NRG1: variants seen among roughly 807,000 people sequenced by gnomAD.
NRG1 encodes the protein neuregulin 1, also known as pro-neuregulin-1, membrane-bound isoform.
In NRG1, 18 loss-of-function variants were observed where a neutral mutation model predicts 63.8. That is an observed-to-expected ratio of 0.28 (90% CI 0.19 to 0.42). NRG1 has a LOEUF of 0.42. Among genes scored for constraint, NRG1 ranks in the 10% least tolerant of loss-of-function variants. The pLI, the probability that NRG1 is intolerant of heterozygous loss-of-function variation, is 1.00. For synonymous variants in NRG1, 302 were observed against 301.3 expected (o/e 1.00, Z -0.02); for missense variants, 762 against 814.7 (o/e 0.94, Z 0.79).
intron 1 of NRG1, among the ~76,000 whole-genome samples, chr8:31,856,454 T>A (rs1171393743): frequency 6.6e-6 from 1 of 152,256 alleles, no homozygotes; most frequent in Admixed American, 6.5e-5. Context: ...GCCTTGGTTT[T>A]TAGCTCCATC....
intron 1 of NRG1, among the ~76,000 whole-genome samples, chr8:32,371,394 G>A (rs1009428623): frequency 6.6e-6 from 1 of 152,158 alleles, no homozygotes; most frequent in Non-Finnish European, 1.5e-5. Context: ...ACATGATATG[G>A]ATTTCTTACC....
In NRG1 at chr8:32,111,401, G is replaced by A. The variant is rs183561082; in HGVS notation, c.37+471970G>A. Among the ~76,000 whole-genome samples, 387 of 152,260 alleles carry A rather than the reference G, an allele frequency of 2.5e-3. 1 individual carries two copies. The highest frequency in any genetic ancestry group is 4.1e-3 in the Non-Finnish European group (282 of 68,014). On this transcript the variant is annotated intron_variant, in intron 1 of 10. Transcript: ENST00000519301. ...CAAAGTGCTGGGATTACAGGCATGA[G>A]CCACTGCTCCCGGACTTGCTGTAAG...
rs146138340 is a variant in NRG1 at position 32,290,515 on chromosome 8, G to A, written c.38-305313G>A. 7.6e-3 allele frequency among the ~76,000 whole-genome samples: 1,151 copies of A among 152,088 alleles called. 6 individuals carry two copies. Among genetic ancestry groups the A allele is most frequent in the Middle Eastern group, 0.017 (5 of 294 alleles). ...GCTGGGCTAGCTCTCTCAGCTTTCC[G>A]AGATTTTTTTGAGGCTCAGAGGACC... On this transcript the variant is annotated intron_variant, in intron 1 of 10. Coordinates refer to the NRG1 transcript ENST00000519301.
At chr8:32,399,106 A>G (rs767438609) in intron 1 of NRG1, among the ~76,000 whole-genome samples, 8 of 152,208 alleles carry the variant, frequency 5.3e-5, no homozygotes, top group Admixed American at 2.0e-4. Flanking sequence ...AACTGAAAAT[A>G]GTTAACAGAA....
intron 1 of NRG1, among the ~76,000 whole-genome samples, chr8:31,676,282 A>T (rs1033453928): frequency 1.1e-4 from 17 of 152,102 alleles, no homozygotes; most frequent in Admixed American, 1.0e-3. Flanking sequence ...AGGAGACTTT[A>T]TGCCTCCCGA....
chr8:31,852,558 T>C (rs1827358907), intron 1 of NRG1, among the ~76,000 whole-genome samples: 2 of 151,682 alleles, frequency 1.3e-5, no homozygotes, highest in African/African-American at 4.8e-5. Flanking sequence ...ATTTTGTAGG[T>C]TGCCTGTTCA....
intron 1 of NRG1, among the ~76,000 whole-genome samples, chr8:31,729,065 C>T (rs1459219768): frequency 6.6e-6 from 1 of 151,958 alleles, no homozygotes; most frequent in Non-Finnish European, 1.5e-5. Context: ...GTAATAAAAG[C>T]TTATTTTTGT....
intron 1 of NRG1, among the ~76,000 whole-genome samples, chr8:32,287,849 G>A (rs1035189914): frequency 6.6e-6 from 1 of 152,084 alleles, no homozygotes; most frequent in Non-Finnish European, 1.5e-5. Flanking sequence ...CTTGTTTTTG[G>A]AGTGTCTTTT....
rs36087607 is a variant in NRG1, at chr8:32,158,448, G to GATATATAT, written c.38-437363_38-437356dup. 2.5e-3 allele frequency among the ~76,000 whole-genome samples: 157 copies of GATATATAT among 62,180 alleles called. 23 individuals are homozygous for GATATATAT. Among genetic ancestry groups the GATATATAT allele is most frequent in the South Asian group, 5.0e-3 (7 of 1,410 alleles). The allele number at this position is 62,180 out of a possible 152,430, so 40.8% of individuals were successfully genotyped here. A position where few individuals can be genotyped will look rare whatever the true frequency, so the allele number is the denominator to read the frequency against. On this transcript the variant is annotated intron_variant, in intron 1 of 10. Coordinates refer to the NRG1 transcript ENST00000519301. ...TCGTTTCTCTTTGTTTGGTTTACAT[G>GATATATAT]ATATATATATATATATATATATATC... is the stretch of plus-strand genomic sequence containing the variant.
chr8:31,778,433 A>G (rs1819365366), intron 1 of NRG1, among the ~76,000 whole-genome samples: 1 of 152,158 alleles, frequency 6.6e-6, no homozygotes, highest in African/African-American at 2.4e-5. Flanking sequence ...TCTTATCTGC[A>G]TTTATCTTCC....
chr8:32,618,362 ACTATC>A, intron 5 of NRG1, among the ~76,000 whole-genome samples: 1 of 152,324 alleles, frequency 6.6e-6, no homozygotes, highest in East Asian at 1.9e-4. Context: ...GACCATAGAT[ACTATC>A]CTTAAGCATA....
At chr8:32,541,507 GAA>G (rs35243395) in intron 1 of NRG1, among the ~76,000 whole-genome samples, 1 of 144,090 alleles carries the variant, frequency 6.9e-6, no homozygotes, top group Non-Finnish European at 1.5e-5. Context: ...GAACATACAG[GAA>G]AAAAAAAAAA....
intron 1 of NRG1, among the ~76,000 whole-genome samples, chr8:32,572,434 A>T (rs1413133911): frequency 6.6e-6 from 1 of 152,154 alleles, no homozygotes; most frequent in African/African-American, 2.4e-5. Flanking sequence ...TACACATTTG[A>T]TTTATTAAGC....
chr8:31,976,149 C>A (rs1410532340), intron 1 of NRG1, among the ~76,000 whole-genome samples: 1 of 152,110 alleles, frequency 6.6e-6, no homozygotes, highest in Non-Finnish European at 1.5e-5. Flanking sequence ...TTGAGGATAT[C>A]AACATTAGCT....
intron 5 of NRG1, among the ~76,000 whole-genome samples, chr8:32,675,408 C>A (rs1263264653): frequency 6.6e-6 from 1 of 152,160 alleles, no homozygotes; most frequent in Admixed American, 6.5e-5. Context: ...TGTTCTTTGG[C>A]TTAGTTCAAG....
chr8:31,901,670 A>G (rs1429559175), intron 1 of NRG1, among the ~76,000 whole-genome samples: 1 of 152,190 alleles, frequency 6.6e-6, no homozygotes, highest in Non-Finnish European at 1.5e-5. Context: ...AGAAAAATGA[A>G]TTGGCTGGTG....
chr8:31,802,617 A>G (rs556456483), intron 1 of NRG1, among the ~76,000 whole-genome samples: 1 of 152,278 alleles, frequency 6.6e-6, no homozygotes, highest in Non-Finnish European at 1.5e-5. Context: ...AAAACAGTAC[A>G]CCTGTAAAAC....
At chr8:31,934,292 G>A (rs1237037696) in intron 1 of NRG1, among the ~76,000 whole-genome samples, 1 of 151,620 alleles carries the variant, frequency 6.6e-6, no homozygotes, top group Middle Eastern at 3.4e-3. Flanking sequence ...ATTCATAGAT[G>A]TGATATATAT....
At chr8:31,769,038 G>C (rs1336256274) in intron 1 of NRG1, among the ~76,000 whole-genome samples, 1 of 152,102 alleles carries the variant, frequency 6.6e-6, no homozygotes, top group Non-Finnish European at 1.5e-5. Context: ...TTTCAGGTAT[G>C]CAAAAGGCAG....
Sources: gnomAD v4.1 joint callset for allele counts (sites outside exome capture counted in the v4.1 genomes callset) on GRCh38, gnomAD v4.1.1 for gene constraint, MANE v1.5 for transcripts, NCBI Gene and HGNC (gene_info 2026-07-23, HGNC 2026-07-21) for gene names.